Variants in RCBTB2 observed in about 807,000 individuals in gnomAD.
The protein encoded by RCBTB2 is RCC1 and BTB domain-containing protein 2.
RCBTB2 carries 55 observed loss-of-function variants against 65.4 expected under a neutral mutation model. That is an observed-to-expected ratio of 0.84 (90% CI 0.68 to 1.05). RCBTB2 has a LOEUF of 1.05. Among genes scored for constraint, RCBTB2 ranks in the 50% least tolerant of loss-of-function variants. The pLI, the probability that RCBTB2 is intolerant of heterozygous loss-of-function variation, is 0.00. For missense variants in RCBTB2, 599 were observed against 680.1 expected (o/e 0.88, Z 1.33); for synonymous variants, 220 against 255.2 (o/e 0.86, Z 1.31).
intron 12 of RCBTB2, among the ~76,000 whole-genome samples, chr13:48,500,219 G>T (rs1192156422): frequency 1.3e-5 from 2 of 152,190 alleles, no homozygotes; most frequent in East Asian, 1.9e-4. Context: ...TTATAAGAAG[G>T]TCACTAGGGT....
Position 48,510,704 on chromosome 13 carries a change from T to C in RCBTB2, c.851A>G (p.Asn284Ser). ...DEGQVYAWGA[N>S]SYGQLGTGNK... ...GCCAGTGCCCAACTGCCCATAAGAA[T>C]TGGCGCCCCAAGCATACACTTGGCC... The change falls in exon 10 of 15, where the codon AAT becomes AGT. Residue 284 changes from asparagine to serine, a missense_variant. Transcript: ENST00000344532. 1 of 1,614,170 alleles carries C rather than the reference T, an allele frequency of 6.2e-7. No individual in the cohort carries two copies. The highest frequency in any genetic ancestry group is 8.5e-7 in the Non-Finnish European group (1 of 1,180,040).
At chr13:48,527,322 TATATATATATATATG>T (rs1160043805) in intron 1 of RCBTB2, among the ~76,000 whole-genome samples, 9 of 123,482 alleles carry the variant, frequency 7.3e-5, no homozygotes, top group Middle Eastern at 7.7e-3. Flanking sequence ...ACTTGGCTCA[TATATATATATATATG>T]ATATATATAT....
intron 7 of RCBTB2, 53 bp from the exon 8 acceptor site, chr13:48,512,227 A>C: frequency 6.7e-7 from 1 of 1,501,078 alleles, no homozygotes; most frequent in Non-Finnish European, 9.2e-7. Flanking sequence ...AAACTGTCTC[A>C]ACTGGACACT....
intron 10 of RCBTB2, 135 bp downstream of exon 10, chr13:48,510,494 T>C (rs1302471032): frequency 3.6e-6 from 4 of 1,104,926 alleles, no homozygotes. Context: ...CCAATTTTTC[T>C]AAAGGAATAA....
intron 10 of RCBTB2, among the ~76,000 whole-genome samples, chr13:48,508,947 AG>A (rs1950641521): frequency 6.6e-6 from 1 of 152,210 alleles, no homozygotes; most frequent in African/African-American, 2.4e-5. Flanking sequence ...AGTGCAATGC[AG>A]CAAGTCACTG....
In RCBTB2 at chr13:48,515,300, C is replaced by G. The variant is rs746270915; in HGVS notation, c.254G>C (p.Ser85Thr). ...CGCLGLGDVQ[S>T]TIEPRRLDSL... ...ATCCAGTCTCCGAGGTTCAATGGTG[C>G]TCTGGACGTCACCTAACCCCAAACA... The change falls in exon 6 of 15, where the codon AGC becomes ACC. Residue 85 changes from serine to threonine, a missense_variant. By Grantham distance (58) the Ser-to-Thr change is moderately conservative. Transcript: ENST00000344532. 22 of 1,614,138 alleles carry G rather than the reference C, an allele frequency of 1.4e-5. No individual in the cohort carries two copies. The highest frequency in any genetic ancestry group is 1.8e-5 in the Non-Finnish European group (21 of 1,179,986).
At chr13:48,515,866 G>GC (rs1263628166) in intron 4 of RCBTB2, 125 bp from the exon 5 acceptor site, 1 of 926,944 alleles carries the variant, frequency 1.1e-6, no homozygotes, top group Non-Finnish European at 1.6e-6. Flanking sequence ...TTTTTGAGAG[G>GC]CCTCTCGCAG....
Position 48,502,764 on chromosome 13 carries a change from G to T in RCBTB2, c.1077C>A (p.Cys359Ter), listed in dbSNP as rs1950298430. ...GCCACGTGACGGCGGGCGTGGCAAA[G>T]CAGGCAAACACGTCGTCAGTGCAGG... ...HFSCTDDVFA[C>*]FATPAVTWRL... Residue 359 changes from cysteine to a stop codon, truncating the protein, a stop_gained, in exon 11 of 15, where the codon TGC becomes TGA. Coordinates refer to ENST00000344532, the MANE Select transcript of RCBTB2 (RefSeq NM_001268.4). LOFTEE classifies it high-confidence loss of function. 1.9e-6 allele frequency: 3 copies of T among 1,613,650 alleles called. No individual in the cohort carries two copies. The South Asian group carries it at 3.3e-5, about 18-fold the overall frequency.
At chr13:48,525,398 ATATATATATATATATATATATTCAGT>A (rs1951663667) in intron 1 of RCBTB2, among the ~76,000 whole-genome samples, 2 of 139,784 alleles carry the variant, frequency 1.4e-5, no homozygotes, top group Admixed American at 7.1e-5. Context: ...ATATATATAT[ATATATATATATATATATATATTCAGT>A]TATATATGTA....
At chr13:48,521,551 T>C (rs866005371) in intron 4 of RCBTB2, among the ~76,000 whole-genome samples, 5 of 152,336 alleles carry the variant, frequency 3.3e-5, no homozygotes, top group South Asian at 2.1e-4. Flanking sequence ...TCAGACAGTT[T>C]ATAATTTTAA....
intron 12 of RCBTB2, 38 bp from the exon 13 acceptor site, chr13:48,499,798 C>A: frequency 6.2e-7 from 1 of 1,611,720 alleles, no homozygotes; most frequent in Non-Finnish European, 8.5e-7. Context: ...CCTAGCTTCC[C>A]AGCCAGGACA....
rs1219912483 is a variant in RCBTB2, at chr13:48,489,843, T to C, written c.*268A>G. ...ACCAGGGTACCAAAGGTGTCCAATT[T>C]AAGTGACTCAAAAAGAGGAAATGGT... On this transcript the variant is annotated 3_prime_UTR_variant, in exon 15 of 15. Transcript: ENST00000344532. 1.3e-5 allele frequency: 6 copies of C among 446,250 alleles called. No homozygotes were observed. Among genetic ancestry groups the C allele is most frequent in the Non-Finnish European group, 2.4e-5 (6 of 246,564 alleles). 27.6% of individuals were successfully genotyped at this position (446,250 alleles called of 1,614,324 possible).
intron 10 of RCBTB2, among the ~76,000 whole-genome samples, chr13:48,506,250 G>A (rs1210059606): frequency 6.6e-6 from 1 of 152,232 alleles, no homozygotes; most frequent in African/African-American, 2.4e-5. Flanking sequence ...CGGGATCGGA[G>A]GGCAATGAGG....
At chr13:48,497,056 C>T (rs1035589783) in intron 13 of RCBTB2, among the ~76,000 whole-genome samples, 6 of 152,212 alleles carry the variant, frequency 3.9e-5, no homozygotes, top group African/African-American at 1.4e-4. Context: ...ACACCTGTGG[C>T]AGTCACAGTG....
rs1438212009 is a variant in RCBTB2, at chr13:48,510,758, T to C, written c.797A>G (p.Tyr266Cys). Residue 266 changes from tyrosine to cysteine, a missense_variant, in exon 10 of 15, where the codon TAC (tyrosine) becomes TGC (cysteine). Transcript: ENST00000344532. ...ATCTGTTAATACTAATGTGTGTGCGTAGCCACAGGCGACCTGGAAGGAAAA... is the reference window on the plus strand; with the variant it reads ...ATCTGTTAATACTAATGTGTGTGCGCAGCCACAGGCGACCTGGAAGGAAAA... ...GIRVQRVACG[Y>C]AHTLVLTDEG... 2.5e-6 allele frequency: 4 copies of C among 1,612,152 alleles called. No individual in the cohort carries two copies. The highest frequency in any genetic ancestry group is 2.7e-5 in the African/African-American group (2 of 74,888).
rs142443945 is a variant in RCBTB2, at chr13:48,499,111, A to AACACAC, written c.1384+504_1384+509dup. On this transcript the variant is annotated intron_variant, in intron 13 of 14. Transcript: ENST00000344532. ...TTGCCTCTCTCCCGACCCCCACCCC[A>AACACAC]ACACACACACACACACACACACACA... Among the ~76,000 whole-genome samples the AACACAC allele has an allele frequency of 7.4e-3, 788 of 105,872 alleles. 9 individuals are homozygous for AACACAC. Among genetic ancestry groups the AACACAC allele is most frequent in the African/African-American group, 0.025 (585 of 23,148 alleles). 69.5% of individuals were successfully genotyped at this position (105,872 alleles called of 152,430 possible).
intron 14 of RCBTB2, chr13:48,491,626 A>G (rs569467000): frequency 6.6e-6 from 1 of 152,342 alleles, no homozygotes; most frequent in South Asian, 2.1e-4. Context: ...GCTGAAGTCT[A>G]CAGAGAGGAA....
At chr13:48,533,231 C>T (rs921632421), upstream of RCBTB2, 1 of 317,858 alleles carries the variant, frequency 3.1e-6, no homozygotes, top group African/African-American at 2.3e-5. Flanking sequence ...CCCCTCCTCT[C>T]CTCCCTAGGC....
At chr13:48,510,845 A>G (rs1950750076) in intron 9 of RCBTB2, 74 bp from the exon 10 acceptor site, 1 of 1,485,186 alleles carries the variant, frequency 6.7e-7, no homozygotes, top group South Asian at 1.2e-5. Flanking sequence ...GTAGGTTAAG[A>G]ATCAAAAATG....
Sources: allele counts gnomAD v4.1 joint callset (sites outside exome capture counted in the v4.1 genomes callset), GRCh38; gene constraint gnomAD v4.1.1; transcripts MANE v1.5; gene names NCBI Gene and HGNC (gene_info 2026-07-23, HGNC 2026-07-21).